GPHN: variants seen among roughly 807,000 people sequenced by gnomAD.
GPHN encodes gephyrin.
A neutral mutation model predicts 95.5 loss-of-function variants in GPHN; 17 were observed. The ratio of observed to expected loss-of-function variants is 0.18; its 90% CI spans 0.12 to 0.27. The LOEUF is 0.27. GPHN is among the 10% of genes least tolerant of loss of function. The pLI is 1.00. For synonymous variants in GPHN, 320 were observed against 322.5 expected, an observed-to-expected ratio of 0.99 and a Z score of 0.08; for missense variants, 660 against 978.1, an observed-to-expected ratio of 0.67 and a Z score of 4.34.
chr14:67,602,938 A>G, the GPHN span, among the ~76,000 whole-genome samples: 1 of 152,220 alleles, frequency 6.6e-6, no homozygotes. Context: ...TAGAAGTCCT[A>G]TGTATTTATA....
intron 1 of GPHN, among the ~76,000 whole-genome samples, chr14:66,642,387 A>G (rs1323771639): frequency 2.0e-5 from 3 of 152,080 alleles, no homozygotes; most frequent in Non-Finnish European, 4.4e-5. Context: ...GGGCCTATGT[A>G]AAAGACTGGA....
the GPHN span, among the ~76,000 whole-genome samples, chr14:67,511,168 C>A: frequency 6.6e-6 from 1 of 152,030 alleles, no homozygotes; most frequent in Non-Finnish European, 1.5e-5. Context: ...AATGAATGGG[C>A]CAGCTAGATG....
the GPHN span, chr14:67,662,494 G>A: frequency 1.9e-6 from 3 of 1,611,726 alleles, no homozygotes; most frequent in Non-Finnish European, 2.5e-6. Flanking sequence ...TTTGCTTCCT[G>A]TTGCTTTTCA....
the GPHN span, among the ~76,000 whole-genome samples, chr14:67,646,012 G>C: frequency 2.6e-5 from 4 of 152,158 alleles, no homozygotes; most frequent in Non-Finnish European, 4.4e-5. Context: ...AAGCAAGGAG[G>C]GGGTAGTAAC....
At chr14:67,566,317 T>C in the GPHN span, among the ~76,000 whole-genome samples, 94 of 152,250 alleles carry the variant, frequency 6.2e-4, no homozygotes, top group African/African-American at 2.2e-3. Context: ...CTGGCTCTCT[T>C]CTTGCTCTGG....
intron 9 of GPHN, among the ~76,000 whole-genome samples, chr14:67,002,236 C>G (rs1765798446): frequency 6.7e-6 from 1 of 150,344 alleles, no homozygotes; most frequent in Non-Finnish European, 1.5e-5. Flanking sequence ...TTTTAAGTAG[C>G]TCAGTACTTC....
chr14:67,479,459 T>A, the GPHN span, among the ~76,000 whole-genome samples: 1 of 149,156 alleles, frequency 6.7e-6, no homozygotes, highest in Non-Finnish European at 1.5e-5. Context: ...AGCTCATGCC[T>A]GTAATCCCAG....
the GPHN span, among the ~76,000 whole-genome samples, chr14:67,665,086 T>C: frequency 1.2e-4 from 19 of 152,264 alleles, no homozygotes; most frequent in South Asian, 8.3e-4. Context: ...AGGCTGGCCT[T>C]GTGTGGTCCA....
chr14:67,067,853 A>T (rs368795277), intron 11 of GPHN, among the ~76,000 whole-genome samples: 1 of 152,180 alleles, frequency 6.6e-6, no homozygotes, highest in East Asian at 1.9e-4. Flanking sequence ...TCGAGGTACA[A>T]TCTGTCACGG....
At chr14:67,694,232 C>T in the GPHN span, among the ~76,000 whole-genome samples, 19 of 152,120 alleles carry the variant, frequency 1.2e-4, no homozygotes, top group Non-Finnish European at 2.2e-4. Flanking sequence ...CACAAACCAT[C>T]ACCTCCCTCC....
the GPHN span, among the ~76,000 whole-genome samples, chr14:67,713,268 AAAAC>A: frequency 6.6e-6 from 1 of 151,440 alleles, no homozygotes; most frequent in African/African-American, 2.4e-5. Flanking sequence ...AAACAAACAA[AAAAC>A]AAAACAAAAA....
At chr14:66,773,252 G>A (rs867660005) in intron 2 of GPHN, among the ~76,000 whole-genome samples, 1 of 152,078 alleles carries the variant, frequency 6.6e-6, no homozygotes, top group African/African-American at 2.4e-5. Flanking sequence ...ATAACATGGG[G>A]ATAGTTGAGT....
intron 3 of GPHN, among the ~76,000 whole-genome samples, chr14:66,816,632 T>A (rs544509852): frequency 1.3e-5 from 2 of 152,188 alleles, no homozygotes; most frequent in African/African-American, 4.8e-5. Context: ...CATACCAGAA[T>A]CTCTGGGACA....
intron 4 of GPHN, among the ~76,000 whole-genome samples, chr14:66,877,263 A>G (rs1028648333): frequency 6.6e-6 from 1 of 152,210 alleles, no homozygotes; most frequent in African/African-American, 2.4e-5. Flanking sequence ...ATTTATGACA[A>G]GCCCACAGCC....
chr14:67,287,307 T>G, the GPHN span, among the ~76,000 whole-genome samples: 1 of 104,876 alleles, frequency 9.5e-6, no homozygotes, highest in Middle Eastern at 4.6e-3. Flanking sequence ...ATTTCCTTAG[T>G]TTTTTTTTTC....
At chr14:66,959,534 G>A (rs2068756550) in intron 8 of GPHN, among the ~76,000 whole-genome samples, 1 of 152,008 alleles carries the variant, frequency 6.6e-6, no homozygotes. Context: ...AGTTTTATCA[G>A]ATATAGAATT....
Position 67,111,900 on chromosome 14 carries a change from C to G in GPHN, c.1453C>G (p.Arg485Gly). Residue 485 changes from arginine to glycine, a missense_variant, in exon 15 of 23, where the codon CGG (arginine) becomes GGG (glycine). Physicochemically the swap from Arg to Gly is moderately radical, Grantham distance 125. This residue lies in a region of GPHN where 257 missense variants were observed against 376.2 expected (regional missense o/e 0.68). Transcript: ENST00000478722. Reference sequence around the variant, plus strand: ...TGAAGTGCGAATTCTGGTGCAAGCTCGGCCAGGCCAAGATATCAGGTAACT... The same window carrying G: ...TGAAGTGCGAATTCTGGTGCAAGCTGGGCCAGGCCAAGATATCAGGTAACT... ...ELEVRILVQA[R>G]PGQDIRPIGH... 1 of 1,612,846 alleles carries G rather than the reference C, an allele frequency of 6.2e-7. No homozygotes were observed. The highest frequency in any genetic ancestry group is 8.5e-7 in the Non-Finnish European group (1 of 1,178,874).
chr14:66,538,396 C>G (rs1451920104), intron 1 of GPHN, among the ~76,000 whole-genome samples: 1 of 151,222 alleles, frequency 6.6e-6, no homozygotes, highest in Non-Finnish European at 1.5e-5. Context: ...CCCAATCTCT[C>G]TCTCCTCTAA....
At chr14:67,168,066 C>A (rs1404252797) in intron 20 of GPHN, among the ~76,000 whole-genome samples, 1 of 152,156 alleles carries the variant, frequency 6.6e-6, no homozygotes, top group Non-Finnish European at 1.5e-5. Flanking sequence ...GACAGAATAC[C>A]ATAGACTGGG....
Sources: allele counts gnomAD v4.1 joint callset (sites outside exome capture counted in the v4.1 genomes callset), GRCh38; gene constraint gnomAD v4.1.1; regional missense constraint gnomAD v4.1.1; transcripts MANE v1.5; gene names NCBI Gene and HGNC (gene_info 2026-07-23, HGNC 2026-07-21).